Variants in NOMO1 observed in about 807,000 individuals in gnomAD.
NOMO1 encodes the protein NODAL modulator 1.
A neutral mutation model predicts 133.8 loss-of-function variants in NOMO1; 40 were observed. The observed-to-expected ratio is 0.30, with a 90% CI of 0.23 to 0.39. NOMO1 has a LOEUF of 0.39. NOMO1 is among the 10% of genes least tolerant of loss of function. NOMO1 has a pLI of 1.00. For missense variants in NOMO1, 462 were observed against 1,419.9 expected (o/e 0.33, Z 10.84); for synonymous variants, 236 against 570.5 (o/e 0.41, Z 8.36).
At chr16:14,892,705 G>A (rs927302764) in intron 29 of NOMO1, among the ~76,000 whole-genome samples, 21 of 150,262 alleles carry the variant, frequency 1.4e-4, no homozygotes, top group South Asian at 2.1e-4. Flanking sequence ...GTGCCACCCC[G>A]TACAGGGCCC....
intron 9 of NOMO1, 34 bp from the exon 10 acceptor site, chr16:14,857,183 T>G: frequency 6.2e-7 from 1 of 1,610,834 alleles, no homozygotes; most frequent in Non-Finnish European, 8.5e-7. Context: ...CAGGAGCACC[T>G]TCGAGCACCT....
intron 29 of NOMO1, among the ~76,000 whole-genome samples, chr16:14,894,422 A>G (rs1326659532): frequency 6.6e-6 from 1 of 151,996 alleles, no homozygotes; most frequent in Non-Finnish European, 1.5e-5. Flanking sequence ...GGGAGGCTGG[A>G]AAAGGTGATC....
chr16:14,862,308 G>A (rs1329649098), intron 11 of NOMO1: 2 of 152,262 alleles, frequency 1.3e-5, no homozygotes, highest in East Asian at 1.9e-4. Context: ...GATGATGGTC[G>A]TTGTAGGGGG....
intron 1 of NOMO1, among the ~76,000 whole-genome samples, chr16:14,836,019 T>C (rs1304832014): frequency 1.3e-5 from 2 of 152,010 alleles, no homozygotes; most frequent in Admixed American, 6.6e-5. Flanking sequence ...AAAAAAATTA[T>C]ACTGGTTGCT....
chr16:14,887,427 G>A (rs1964342337), intron 28 of NOMO1, among the ~76,000 whole-genome samples: 1 of 151,750 alleles, frequency 6.6e-6, no homozygotes, highest in Non-Finnish European at 1.5e-5. Flanking sequence ...CGAAGTAGCT[G>A]GGACTACAGG....
intron 14 of NOMO1, among the ~76,000 whole-genome samples, chr16:14,866,198 T>G (rs1434041789): frequency 6.8e-6 from 1 of 146,526 alleles, no homozygotes; most frequent in Non-Finnish European, 1.5e-5. Flanking sequence ...TAGCTGGGAT[T>G]ACAGGCATGC....
chr16:14,878,660 CTG>C (rs1190475156), intron 22 of NOMO1, 59 bp from the exon 23 acceptor site: 2 of 1,486,278 alleles, frequency 1.3e-6, no homozygotes, highest in Admixed American at 3.4e-5. Flanking sequence ...ACTTGTGGAA[CTG>C]TTATTTTCAT....
At chr16:14,862,845 G>A in intron 11 of NOMO1, 168 bp from the exon 12 acceptor site, 2 of 647,464 alleles carry the variant, frequency 3.1e-6, no homozygotes, top group South Asian at 2.0e-5. Context: ...CAGAATGAAG[G>A]TTGCTTTTTA....
intron 11 of NOMO1, among the ~76,000 whole-genome samples, chr16:14,858,591 G>A (rs1318268334): frequency 5.3e-5 from 8 of 152,054 alleles, no homozygotes; most frequent in South Asian, 2.1e-4. Flanking sequence ...AGGTGGCTGC[G>A]GGTGTAAAGC....
intron 27 of NOMO1, among the ~76,000 whole-genome samples, chr16:14,885,666 G>A (rs1021983156): frequency 2.0e-5 from 3 of 151,628 alleles, no homozygotes; most frequent in African/African-American, 7.3e-5. Flanking sequence ...GTAGGGTGGG[G>A]GGCAAACTGG....
intron 11 of NOMO1, among the ~76,000 whole-genome samples, chr16:14,858,768 A>G (rs1963880566): frequency 6.6e-6 from 1 of 152,064 alleles, no homozygotes; most frequent in Admixed American, 6.5e-5. Flanking sequence ...ATTGTTTTCA[A>G]TAGGGCATTC....
intron 28 of NOMO1, chr16:14,888,450 C>T (rs1197753097): frequency 7.9e-5 from 12 of 152,648 alleles, no homozygotes; most frequent in African/African-American, 2.7e-4. Flanking sequence ...TGACTTTCCT[C>T]GTCTATAAGA....
chr16:14,872,101 G>C (rs1964089777), intron 17 of NOMO1, 133 bp from the exon 18 acceptor site: 1 of 985,952 alleles, frequency 1.0e-6, no homozygotes. Flanking sequence ...TGGATCTCCA[G>C]AGTTATTTTA....
At chr16:14,851,357 G>A (rs1963756778) in intron 6 of NOMO1, among the ~76,000 whole-genome samples, 1 of 151,920 alleles carries the variant, frequency 6.6e-6, no homozygotes, top group Non-Finnish European at 1.5e-5. Flanking sequence ...GACAAGCCCT[G>A]TGCTGTGTGC....
chr16:14,837,053 T>G (rs1963527137), intron 1 of NOMO1, among the ~76,000 whole-genome samples: 1 of 151,894 alleles, frequency 6.6e-6, no homozygotes, highest in Non-Finnish European at 1.5e-5. Context: ...GGTCTCACAC[T>G]GTTGCTCAGG....
chr16:14,878,727 G>A lies in NOMO1; in HGVS notation c.2650G>A (p.Ala884Thr). The A allele has an allele frequency of 1.2e-6, 2 of 1,611,578 alleles. No homozygotes were observed. The highest frequency in any genetic ancestry group is 2.2e-5 in the South Asian group (2 of 90,962). The part of the protein sequence containing the change: ...ALAGVSFEIK[A>T]EDDQPLPGVL... ...CTCACCTTCTCATCCCCAGATAAAA[G>A]CTGAGGATGACCAGCCCCTCCCGGG... Residue 884 changes from alanine to threonine, a missense_variant, in exon 23 of 31, where the codon GCT becomes ACT. Coordinates refer to ENST00000287667, the MANE Select transcript of NOMO1 (RefSeq NM_014287.4).
chr16:14,875,014 C>T, intron 18 of NOMO1, 22 bp from the exon 19 acceptor site: 1 of 1,613,778 alleles, frequency 6.2e-7, no homozygotes, highest in Non-Finnish European at 8.5e-7. Flanking sequence ...CAACTATGTC[C>T]TAGGGGCCGT....
chr16:14,866,119 G>A (rs1963991246), intron 14 of NOMO1, among the ~76,000 whole-genome samples: 1 of 147,542 alleles, frequency 6.8e-6, no homozygotes, highest in South Asian at 2.1e-4. Context: ...GTGTGGTGGC[G>A]CGACCTTGGC....
intron 20 of NOMO1, 23 bp from the exon 21 acceptor site, chr16:14,876,336 G>A: frequency 6.2e-7 from 1 of 1,610,676 alleles, no homozygotes; most frequent in Non-Finnish European, 8.5e-7. Flanking sequence ...CCCCATCCTT[G>A]TGTTTATTTC....
Sources: allele counts gnomAD v4.1 joint callset (sites outside exome capture counted in the v4.1 genomes callset), GRCh38; gene constraint gnomAD v4.1.1; transcripts MANE v1.5; gene names NCBI Gene and HGNC (gene_info 2026-07-23, HGNC 2026-07-21).